The following MYH6 variants were observed in gnomAD, a reference collection of about 807,000 sequenced individuals.
The protein encoded by MYH6 is myosin heavy chain 6.
In MYH6, 126 loss-of-function variants were observed where a neutral mutation model predicts 223.2. The observed-to-expected ratio is 0.56, with a 90% CI of 0.49 to 0.65. The LOEUF (loss-of-function observed/expected upper bound fraction) is 0.65. Among genes scored for constraint, MYH6 ranks in the 30% least tolerant of loss-of-function variants. The pLI is 0.00. For missense variants in MYH6, 2,040 were observed against 2,536.4 expected (o/e 0.80, Z 4.20); for synonymous variants, 978 against 1,010.2 (o/e 0.97, Z 0.61).
In MYH6 at chr14:23,389,618, C is replaced by G. The variant is rs1227827386; in HGVS notation, c.3834G>C (p.Gln1278His). The G allele has an allele frequency of 6.2e-7, 1 of 1,614,074 alleles. No individual in the cohort carries two copies. The highest frequency in any genetic ancestry group is 2.2e-5 in the East Asian group (1 of 44,882). Residue 1278 changes from glutamine to histidine, a missense_variant, in exon 27 of 39, where the codon CAG becomes CAC. Physicochemically the swap from Gln to His is conservative, Grantham distance 24 (BLOSUM62 0). This residue lies in a region of MYH6 where 1,203 missense variants were observed against 1,400.2 expected (regional missense o/e 0.86). Transcript: ENST00000405093. Reference sequence around the variant, plus strand: ...CATTCTCGGTCTGCAGCTTGGCTCGCTGGGTGGTGAAATCATTGAGGGAGC... The same window carrying G: ...CATTCTCGGTCTGCAGCTTGGCTCGGTGGGTGGTGAAATCATTGAGGGAGC... ...AQRSLNDFTT[Q>H]RAKLQTENGE...
intron 20 of MYH6, among the ~76,000 whole-genome samples, chr14:23,394,613 AT>A (rs760114267): frequency 5.9e-5 from 9 of 152,220 alleles, no homozygotes; most frequent in Non-Finnish European, 1.2e-4. Flanking sequence ...TATGTTAAAA[AT>A]TATGTAGGGG....
rs888127166 is a variant in MYH6 at position 23,392,834 on chromosome 14, T to C, written c.3251+78A>G. ...GCATACCCAAGGCAACTGTGGCCAG[T>C]GGAGGCGCAGCACCCTGCACTCTAT... On this transcript the variant is annotated intron_variant, in intron 24 of 38. Coordinates refer to ENST00000405093, the MANE Select transcript of MYH6 (RefSeq NM_002471.4). 66 of 1,592,308 alleles carry C rather than the reference T, an allele frequency of 4.1e-5. No individual in the cohort carries two copies. The African/African-American group carries it at 7.6e-4, about 18-fold the overall frequency.
Position 23,389,058 on chromosome 14 carries a change from G to C in MYH6, c.3979-3C>G, listed in dbSNP as rs745978542. The C allele has an allele frequency of 4.5e-6, 7 of 1,549,668 alleles. No homozygotes were observed. Among genetic ancestry groups the C allele is most frequent in the Non-Finnish European group, 5.2e-6 (6 of 1,154,042 alleles). On this transcript the variant is annotated splice_region_variant and splice_polypyrimidine_tract_variant and intron_variant, in intron 28 of 38. Transcript: ENST00000405093. Reference sequence around the variant, plus strand: ...GCATGGGCCAGGGCGTTCTTCGCCTGGGGAGGGGGGGGGGCACCAGGAGGT... The same window carrying C: ...GCATGGGCCAGGGCGTTCTTCGCCTCGGGAGGGGGGGGGGCACCAGGAGGT...
In MYH6 at chr14:23,390,351, C is replaced by T. The variant is rs750919871; in HGVS notation, c.3438G>A (p.Glu1146=). 1.2e-6 allele frequency: 2 copies of T among 1,608,756 alleles called. No homozygotes were observed. Among genetic ancestry groups the T allele is most frequent in the South Asian group, 2.2e-5 (2 of 90,870 alleles). ...KLRSDLSREL[E]EISERLEEAG... is the part of the protein sequence containing the mutation. ...CCTCTTCCAGCCGCTCGCTGATCTC[C>T]TCCAGCTCCCGAGACAGGTCTGAGC... The change falls in exon 26 of 39, where the codon GAG becomes GAA. Residue 1146 remains glutamate (E), a synonymous_variant. Coordinates refer to ENST00000405093, the MANE Select transcript of MYH6 (RefSeq NM_002471.4).
At position 23,398,809 on chromosome 14, in the gene MYH6, C is replaced by T. The variant is rs1203125451; in HGVS notation, c.1810G>A (p.Glu604Lys). 11 of 1,614,052 alleles carry T rather than the reference C, an allele frequency of 6.8e-6. No homozygotes were observed. The highest frequency in any genetic ancestry group is 4.0e-5 in the African/African-American group (3 of 74,902). ...WLEKNKDPLN[E>K]TVVALYQKSS... ...TTCTGGTACAGGGCCACAACAGTCTCGTTGAGAGGATCCTTGTTTTTTTCC... is the reference window on the plus strand; with the variant it reads ...TTCTGGTACAGGGCCACAACAGTCTTGTTGAGAGGATCCTTGTTTTTTTCC... Residue 604 changes from glutamate (E) to lysine (K), a missense_variant, in exon 15 of 39, where the codon GAG (glutamate) becomes AAG (lysine). This residue lies in a region of MYH6 where 649 missense variants were observed against 877.3 expected (regional missense o/e 0.74). Coordinates refer to ENST00000405093, the MANE Select transcript of MYH6 (RefSeq NM_002471.4).
At position 23,405,012 on chromosome 14, in the gene MYH6, C is replaced by G. The variant is rs1450291846; in HGVS notation, c.530+88G>C. ...GCCCCATGCTCCCTGCAATCCCAGC[C>G]TTAAACCTCTCCTCCCAACTACACC... On this transcript the variant is annotated intron_variant, in intron 6 of 38. Transcript: ENST00000405093. The surrounding 1 kb of genome is among the most constrained non-coding windows in gnomAD (Gnocchi z 4.7). The G allele has an allele frequency of 5.0e-6, 8 of 1,599,284 alleles. No homozygotes were observed. The highest frequency in any genetic ancestry group is 6.9e-6 in the Non-Finnish European group (8 of 1,167,510).
chr14:23,396,558 G>A (rs1595058456), intron 19 of MYH6, 136 bp downstream of exon 19: 41 of 1,577,288 alleles, frequency 2.6e-5, no homozygotes, highest in Middle Eastern at 3.3e-4. Context: ...AAACAAGACC[G>A]GAATGAAGCC....
Position 23,383,241 on chromosome 14 carries a change from C to A in MYH6, c.5645G>T (p.Arg1882Leu), listed in dbSNP as rs199755234. 3 of 1,551,692 alleles carry A rather than the reference C, an allele frequency of 1.9e-6. No homozygotes were observed. Among genetic ancestry groups the A allele is most frequent in the African/African-American group, 1.4e-5 (1 of 71,170 alleles). The change falls in exon 37 of 39, where the codon CGC becomes CTC. Residue 1882 changes from arginine to leucine, a missense_variant. By Grantham distance (102) the Arg-to-Leu change is moderately radical. Transcript: ENST00000405093. ...KLQLKVKAYK[R>L]QAEEAEEQAN... ...TGAACTCACCGCCTCCTCGGCCTGG[C>A]GCTTGTAGGCCTTGACCTTCAGTTG...
At chr14:23,383,380 C>A (rs953818786) in intron 36 of MYH6, 60 bp from the exon 37 acceptor site, 3 of 1,301,032 alleles carry the variant, frequency 2.3e-6, no homozygotes, top group African/African-American at 2.9e-5. Flanking sequence ...ATCACCTTTC[C>A]CTCCTCCATC....
At chr14:23,403,480 G>A (rs757232560) in intron 9 of MYH6, 34 bp from the exon 10 acceptor site, 23 of 1,573,980 alleles carry the variant, frequency 1.5e-5, no homozygotes, top group Middle Eastern at 1.7e-4. Flanking sequence ...GGCAGGTGAG[G>A]AAGGAAAGAG....
At position 23,393,051 on chromosome 14, in the gene MYH6, C is replaced by G. The variant is rs1208402766; in HGVS notation, c.3112G>C (p.Gly1038Arg). The change falls in exon 24 of 39, where the codon GGA (glycine) becomes CGA (arginine). Residue 1038 changes from glycine (G) to arginine (R), a missense_variant. Coordinates refer to ENST00000405093, the MANE Select transcript of MYH6 (RefSeq NM_002471.4). ...ACCTTCTTCTCTTGCTCTAGGGATC[C>G]CTCCAGCTGTTGGAGGGAAGAAAAT... ...KLEQQVDDLE[G>R]SLEQEKKVRM... 2 of 1,614,174 alleles carry G rather than the reference C, an allele frequency of 1.2e-6. No homozygotes were observed. Among genetic ancestry groups the G allele is most frequent in the East Asian group, 4.5e-5 (2 of 44,890 alleles).
intron 23 of MYH6, 57 bp downstream of exon 23, chr14:23,393,285 T>C: frequency 6.2e-7 from 1 of 1,606,886 alleles, no homozygotes; most frequent in Non-Finnish European, 8.5e-7. Context: ...TTCTGGGCCA[T>C]TGGTGTTGCC....
Position 23,392,978 on chromosome 14 carries a change from T to A in MYH6, c.3185A>T (p.Lys1062Met). ...RAKRKLEGDL[K>M]LTQESIMDLE... ...GTCCATGATGCTCTCCTGGGTCAGCTTCAGGTCGCCCTCCAGTTTCCGCTT... is the reference window on the plus strand; with the variant it reads ...GTCCATGATGCTCTCCTGGGTCAGCATCAGGTCGCCCTCCAGTTTCCGCTT... Residue 1062 changes from lysine to methionine, a missense_variant, in exon 24 of 39, where the codon AAG (lysine) becomes ATG (methionine). Lys to Met is a moderately conservative substitution (Grantham distance 95). This residue lies in a region of MYH6 where 1,203 missense variants were observed against 1,400.2 expected (regional missense o/e 0.86). Coordinates refer to ENST00000405093, the MANE Select transcript of MYH6 (RefSeq NM_002471.4). 7 of 1,614,226 alleles carry A rather than the reference T, an allele frequency of 4.3e-6. No homozygotes were observed. Among genetic ancestry groups the A allele is most frequent in the Non-Finnish European group, 5.9e-6 (7 of 1,180,050 alleles).
rs746955749 is a variant in MYH6, at chr14:23,396,288, G to C, written c.2425C>G (p.Arg809Gly). 1.9e-6 allele frequency: 3 copies of C among 1,614,072 alleles called. No homozygotes were observed. The South Asian group carries it at 3.3e-5, about 18-fold the overall frequency. The change falls in exon 20 of 39, where the codon CGC becomes GGC. Residue 809 changes from arginine to glycine, a missense_variant. Around this residue, in one of 4 missense-constraint regions of MYH6, gnomAD observed 649 missense variants for 877.3 expected, o/e 0.74. Coordinates refer to ENST00000405093, the MANE Select transcript of MYH6 (RefSeq NM_002471.4). The part of the protein sequence containing the change: ...MRIEFKKIVE[R>G]RDALLVIQWN... ...TCCCTTTTCCTCCTGTCTCACCTGC[G>C]TTCCACTATCTTCTTGAACTCAATG...
rs140141391 is a variant in MYH6, at chr14:23,400,298, G to A, written c.1539C>T (p.Asp513=). 30 of 1,614,132 alleles carry A rather than the reference G, an allele frequency of 1.9e-5. No homozygotes were observed. In the African/African-American group the frequency reaches 3.6e-4, roughly 19 times the overall value. ...KKEGIEWTFI[D]FGMDLQACID... is the part of the protein sequence containing the mutation. ...TGCAGGCCTGCAGGTCCATGCCAAA[G>A]TCAATGAATGTCCACTCAATGCCCT... The change falls in exon 14 of 39, where the codon GAC becomes GAT. Residue 513 remains aspartate (D), a synonymous_variant. Transcript: ENST00000405093.
chr14:23,382,983 G>A (rs569497920), intron 37 of MYH6, among the ~76,000 whole-genome samples: 1 of 151,644 alleles, frequency 6.6e-6, no homozygotes, highest in East Asian at 1.9e-4. Context: ...CCCACGTCCT[G>A]CACTAGCATC....
Position 23,405,500 on chromosome 14 carries a change from G to A in MYH6, c.346-121C>T. On this transcript the variant is annotated intron_variant, in intron 4 of 38. Coordinates refer to ENST00000405093, the MANE Select transcript of MYH6 (RefSeq NM_002471.4). This position sits in a 1 kb window ranked among gnomAD's most constrained non-coding sequence, Gnocchi z 4.7. Reference sequence around the variant, plus strand: ...CTCTACTCCTCCTGCAGCTGACTAGGGGTGGAGGGGGGAAGGGGACTTGGG... The same window carrying A: ...CTCTACTCCTCCTGCAGCTGACTAGAGGTGGAGGGGGGAAGGGGACTTGGG... The A allele has an allele frequency of 6.3e-7, 1 of 1,593,188 alleles. No individual in the cohort carries two copies.
At chr14:23,382,706 T>C (rs1298767746) in intron 37 of MYH6, 144 bp from the exon 38 acceptor site, 11 of 1,209,740 alleles carry the variant, frequency 9.1e-6, no homozygotes, top group Non-Finnish European at 1.2e-5. Flanking sequence ...AAGGGTATCC[T>C]GCAACTGCCT....
Position 23,388,606 on chromosome 14 carries a change from G to A in MYH6, c.4175+253C>T, listed in dbSNP as rs1346967645. The stretch of plus-strand genomic sequence containing the variant: ...CGACGGTAGCTCCTCTGACCAACAA[G>A]CTTTTTGCTCGTCTTATACGTGAGC... On this transcript the variant is annotated intron_variant, in intron 29 of 38. Transcript: ENST00000405093. The A allele has an allele frequency of 4.7e-6, 4 of 858,984 alleles. No homozygotes were observed. The East Asian group carries it at 7.2e-5, about 16-fold the overall frequency. The allele number at this position is 858,984 out of a possible 1,614,324, so 53.2% of individuals were successfully genotyped here.
Sources: gnomAD v4.1 joint callset for allele counts (sites outside exome capture counted in the v4.1 genomes callset) on GRCh38, gnomAD v4.1.1 for gene constraint, gnomAD v4.1.1 regional missense constraint, Gnocchi (gnomAD v3.1) non-coding constraint, MANE v1.5 for transcripts, NCBI Gene and HGNC (gene_info 2026-07-23, HGNC 2026-07-21) for gene names.